The following CLNS1A variants were observed in gnomAD, a reference collection of about 807,000 sequenced individuals.
CLNS1A encodes the protein methylosome subunit pICln.
In CLNS1A, 16 loss-of-function variants were observed where a neutral mutation model predicts 29.4. The observed-to-expected ratio is 0.54, with a 90% CI of 0.37 to 0.83. The LOEUF is 0.83. Ranked by LOEUF, CLNS1A falls within the 40% of genes least tolerant of loss-of-function variation. The pLI is 0.00. For missense variants in CLNS1A, 235 were observed against 287.4 expected (o/e 0.82, Z 1.32); for synonymous variants, 96 against 104.8 (o/e 0.92, Z 0.51).
intron 1 of CLNS1A, among the ~76,000 whole-genome samples, chr11:77,631,953 G>A (rs1388381465): frequency 6.6e-6 from 1 of 152,060 alleles, no homozygotes; most frequent in East Asian, 1.9e-4. Flanking sequence ...GGCCAGGCTG[G>A]TCTCAAACTC....
At chr11:77,627,416 C>A (rs1277006809) in intron 2 of CLNS1A, among the ~76,000 whole-genome samples, 2 of 147,492 alleles carry the variant, frequency 1.4e-5, no homozygotes, top group African/African-American at 2.5e-5. Context: ...TCCAGCCTGG[C>A]GACAGAGCAA....
chr11:77,630,593 G>A (rs1173571599), intron 1 of CLNS1A, among the ~76,000 whole-genome samples: 1 of 152,158 alleles, frequency 6.6e-6, no homozygotes, highest in African/African-American at 2.4e-5. Flanking sequence ...TTAAGAGAAA[G>A]CCACAGAAAA....
intron 1 of CLNS1A, among the ~76,000 whole-genome samples, chr11:77,632,462 C>A (rs61468764): frequency 0.18 from 27,508 of 152,006 alleles, 3,181 homozygotes; most frequent in African/African-American, 0.31. Flanking sequence ...CATCATAATA[C>A]CTCTGTAATT....
chr11:77,622,706 C>T (rs940667227), intron 4 of CLNS1A, 33 bp from the exon 5 acceptor site: 5 of 1,497,764 alleles, frequency 3.3e-6, no homozygotes, highest in Non-Finnish European at 4.5e-6. Context: ...AGTTTAAATA[C>T]AACAATTAGA....
intron 4 of CLNS1A, among the ~76,000 whole-genome samples, chr11:77,624,277 G>C (rs1958992684): frequency 6.6e-6 from 1 of 151,764 alleles, no homozygotes; most frequent in African/African-American, 2.4e-5. Context: ...AATAATAATA[G>C]TAATAATAAA....
In CLNS1A at chr11:77,629,754, C is replaced by T. The variant is rs754300089; in HGVS notation, c.262+9G>A. Reference sequence around the variant, plus strand: ...AAGGAGGCATTAGATTAAATTACACCATACATACCTTCAAATTTGGCATTC... The same window carrying T: ...AAGGAGGCATTAGATTAAATTACACTATACATACCTTCAAATTTGGCATTC... On this transcript the variant is annotated intron_variant, in intron 2 of 6. Coordinates refer to ENST00000525428, the MANE Select transcript of CLNS1A (RefSeq NM_001293.3). 15 of 1,610,444 alleles carry T rather than the reference C, an allele frequency of 9.3e-6. 1 individual carries two copies. The Admixed American group carries it at 2.3e-4, about 25-fold the overall frequency.
intron 4 of CLNS1A, among the ~76,000 whole-genome samples, chr11:77,623,854 C>G (rs1958988338): frequency 6.6e-6 from 1 of 152,194 alleles, no homozygotes; most frequent in Non-Finnish European, 1.5e-5. Context: ...TCTTATCACG[C>G]TAGTGACTGC....
intron 6 of CLNS1A, chr11:77,618,733 G>A (rs930309124): frequency 1.1e-4 from 17 of 152,144 alleles, no homozygotes; most frequent in African/African-American, 3.4e-4. Context: ...ACTTGTAACT[G>A]GAGAAAAGCC....
chr11:77,627,493 A>G (rs1959032547), intron 2 of CLNS1A, among the ~76,000 whole-genome samples: 1 of 152,122 alleles, frequency 6.6e-6, no homozygotes, highest in African/African-American at 2.4e-5. Flanking sequence ...AATGTGACCC[A>G]GAAAGATACT....
chr11:77,631,130 G>A (rs1253796715), intron 1 of CLNS1A, among the ~76,000 whole-genome samples: 5 of 152,142 alleles, frequency 3.3e-5, no homozygotes, highest in Non-Finnish European at 7.3e-5. Context: ...CAATGACAGT[G>A]TGACAGTCTG....
At position 77,622,515 on chromosome 11, in the gene CLNS1A, T is replaced by C. The variant is rs1367561209; in HGVS notation, c.631A>G (p.Ile211Val). 9.4e-6 allele frequency: 15 copies of C among 1,594,486 alleles called. No homozygotes were observed. The highest frequency in any genetic ancestry group is 2.7e-5 in the African/African-American group (2 of 73,960). The change falls in exon 5 of 7, where the codon ATA becomes GTA. Residue 211 changes from isoleucine to valine, a missense_variant. Ile to Val is a conservative substitution (Grantham distance 29). Coordinates refer to ENST00000525428, the MANE Select transcript of CLNS1A (RefSeq NM_001293.3). ...NMAGVRTEDS[I>V]RDYEDGMEVD... ...GGACACTCACCTTCATAATCTCTTATTGAATCTTCTGTCCTGACCCCAGCC... is the reference window on the plus strand; with the variant it reads ...GGACACTCACCTTCATAATCTCTTACTGAATCTTCTGTCCTGACCCCAGCC...
At chr11:77,627,582 T>C (rs532967630) in intron 2 of CLNS1A, among the ~76,000 whole-genome samples, 3 of 152,244 alleles carry the variant, frequency 2.0e-5, no homozygotes, top group African/African-American at 7.2e-5. Flanking sequence ...CAACCAATCA[T>C]ATAGATTCTG....
rs372932790 is a variant in CLNS1A, at chr11:77,629,898, G to A, written c.127C>T (p.Arg43Cys). Reference protein sequence around the residue: ...GTGTLYIAESRLSWLDGSGLG... With the variant: ...GTGTLYIAESCLSWLDGSGLG... ...CCAGAGCCATCTAACCAAGACAGGC[G>A]GCTGAAAAACATGTTTTAAGTAGAT... Residue 43 changes from arginine (R) to cysteine (C), a missense_variant and splice_region_variant, in exon 2 of 7, where the codon CGC becomes TGC. Arg to Cys is a radical substitution (Grantham distance 180). Transcript: ENST00000525428. 1.1e-5 allele frequency: 17 copies of A among 1,613,450 alleles called. No individual in the cohort carries two copies. Among genetic ancestry groups the A allele is most frequent in the African/African-American group, 8.0e-5 (6 of 74,870 alleles).
At chr11:77,622,905 G>A (rs184099504) in intron 4 of CLNS1A, among the ~76,000 whole-genome samples, 2 of 147,032 alleles carry the variant, frequency 1.4e-5, no homozygotes, top group East Asian at 4.0e-4. Flanking sequence ...CCGAGATCAC[G>A]CCATTGTACT....
intron 1 of CLNS1A, among the ~76,000 whole-genome samples, chr11:77,630,457 T>G (rs1197458507): frequency 6.6e-6 from 1 of 152,222 alleles, no homozygotes; most frequent in African/African-American, 2.4e-5. Context: ...AATCATGCAT[T>G]TCTCCATGAA....
chr11:77,631,310 T>TA (rs1959070963), intron 1 of CLNS1A, among the ~76,000 whole-genome samples: 1 of 151,870 alleles, frequency 6.6e-6, no homozygotes, highest in Non-Finnish European at 1.5e-5. Flanking sequence ...TACTAAAACT[T>TA]ACGTAATTGT....
Position 77,625,704 on chromosome 11 carries a change from G to A in CLNS1A, c.364+13C>T, listed in dbSNP as rs1310038339. ...ATGTAAAAGGGGAAGAATCAATACTGTAGAACACTCACACGCTGATTTATC... is the reference window on the plus strand; with the variant it reads ...ATGTAAAAGGGGAAGAATCAATACTATAGAACACTCACACGCTGATTTATC... On this transcript the variant is annotated intron_variant, in intron 3 of 6. Coordinates refer to ENST00000525428, the MANE Select transcript of CLNS1A (RefSeq NM_001293.3). 8 of 1,604,742 alleles carry A rather than the reference G, an allele frequency of 5.0e-6. No individual in the cohort carries two copies. The highest frequency in any genetic ancestry group is 6.8e-6 in the Non-Finnish European group (8 of 1,175,546).
At chr11:77,623,698 A>G (rs1415610334) in intron 4 of CLNS1A, among the ~76,000 whole-genome samples, 1 of 152,180 alleles carries the variant, frequency 6.6e-6, no homozygotes. Flanking sequence ...ATATTTAGGT[A>G]TGTGATGGCG....
chr11:77,637,240 A>G (rs1298238541), intron 1 of CLNS1A, among the ~76,000 whole-genome samples: 1 of 137,798 alleles, frequency 7.3e-6, no homozygotes, highest in Middle Eastern at 3.2e-3. Flanking sequence ...TAAATAGGCG[A>G]GTTAAAAAAA....
Sources: gnomAD v4.1 joint callset for allele counts (sites outside exome capture counted in the v4.1 genomes callset) on GRCh38, gnomAD v4.1.1 for gene constraint, MANE v1.5 for transcripts, NCBI Gene and HGNC (gene_info 2026-07-23, HGNC 2026-07-21) for gene names.